Variants in SAMSN1 observed in about 807,000 individuals in gnomAD.
SAMSN1 encodes SAM domain, SH3 domain and nuclear localization signals 1.
In SAMSN1, 31 loss-of-function variants were observed where a neutral mutation model predicts 42.0. The observed-to-expected ratio is 0.74, with a 90% CI of 0.55 to 1.00. The LOEUF is 1.00. Among genes scored for constraint, SAMSN1 ranks in the 50% least tolerant of loss-of-function variants. SAMSN1 has a pLI of 0.00. For missense variants in SAMSN1, 464 were observed against 439.4 expected (o/e 1.06, Z -0.50); for synonymous variants, 178 against 151.9 (o/e 1.17, Z -1.26).
rs550173834 is a variant in SAMSN1 at position 14,558,537 on chromosome 21, C to T, written c.261+23599G>A. Among the ~76,000 whole-genome samples, 99 of 151,908 alleles carry T rather than the reference C, an allele frequency of 6.5e-4. No individual in the cohort carries two copies. The South Asian group carries it at 0.019, about 29-fold the overall frequency. ...TTACTAAAAATACAAAAAAATTAGCCGGCCGTGGTGATGCATGCCTGTAGT... is the reference window on the plus strand; with the variant it reads ...TTACTAAAAATACAAAAAAATTAGCTGGCCGTGGTGATGCATGCCTGTAGT... On this transcript the variant is annotated intron_variant, in intron 2 of 8. Transcript: ENST00000285670.
intron 1 of SAMSN1, among the ~76,000 whole-genome samples, chr21:14,540,418 T>A (rs1174191777): frequency 6.6e-6 from 1 of 152,124 alleles, no homozygotes; most frequent in East Asian, 1.9e-4. Flanking sequence ...ATATCCAGAA[T>A]CTACAGTGAA....
intron 2 of SAMSN1, among the ~76,000 whole-genome samples, chr21:14,628,665 G>C (rs939906664): frequency 2.0e-5 from 3 of 152,138 alleles, no homozygotes; most frequent in African/African-American, 7.2e-5. Flanking sequence ...AGTCTCCCAA[G>C]TTATGAATGA....
intron 1 of SAMSN1, among the ~76,000 whole-genome samples, chr21:14,543,728 T>A (rs1037444947): frequency 6.6e-6 from 1 of 152,168 alleles, no homozygotes; most frequent in African/African-American, 2.4e-5. Flanking sequence ...TTCTTCATTT[T>A]TTATATTGTC....
At chr21:14,610,502 G>A (rs550280953) in intron 4 of SAMSN1, among the ~76,000 whole-genome samples, 11 of 152,090 alleles carry the variant, frequency 7.2e-5, no homozygotes, top group East Asian at 5.8e-4. Flanking sequence ...ATCTTTTGTC[G>A]CCCTTGAAGC....
chr21:14,554,329 T>G (rs1230849694), intron 2 of SAMSN1, among the ~76,000 whole-genome samples: 1 of 152,116 alleles, frequency 6.6e-6, no homozygotes, highest in Non-Finnish European at 1.5e-5. Flanking sequence ...CAGTAATGCT[T>G]GAAAGATATT....
At chr21:14,592,312 A>T (rs1982110549) in intron 7 of SAMSN1, 1 of 152,540 alleles carries the variant, frequency 6.6e-6, no homozygotes, top group South Asian at 2.0e-4. Flanking sequence ...TATCTATTGG[A>T]TTCTTAGCAA....
intron 7 of SAMSN1, chr21:14,592,755 T>C (rs1027002409): frequency 1.3e-4 from 28 of 212,946 alleles, no homozygotes; most frequent in Non-Finnish European, 3.2e-5. Flanking sequence ...GAAACGGAAA[T>C]GCAGAAATAC....
At chr21:14,659,091 G>C (rs1983959545), upstream of SAMSN1, among the ~76,000 whole-genome samples, 1 of 151,884 alleles carries the variant, frequency 6.6e-6, no homozygotes, top group Non-Finnish European at 1.5e-5. Context: ...ACAACTACAG[G>C]CAAACCTGGA....
At chr21:14,641,094 G>C (rs184791833) in intron 2 of SAMSN1, among the ~76,000 whole-genome samples, 3 of 152,120 alleles carry the variant, frequency 2.0e-5, no homozygotes, top group African/African-American at 7.2e-5. Context: ...AAATGCTTAT[G>C]AACAATTTGC....
chr21:14,527,060 G>T (rs987369716), intron 1 of SAMSN1, among the ~76,000 whole-genome samples: 1 of 152,210 alleles, frequency 6.6e-6, no homozygotes, highest in Admixed American at 6.5e-5. Flanking sequence ...GCACACATCT[G>T]CAGTACTTTG....
chr21:14,546,145 A>T (rs1980374840), intron 1 of SAMSN1, 60 bp downstream of exon 1: 1 of 1,393,284 alleles, frequency 7.2e-7, no homozygotes, highest in Admixed American at 1.7e-5. Flanking sequence ...AAACACACAT[A>T]TGTGTTTATT....
intron 2 of SAMSN1, among the ~76,000 whole-genome samples, chr21:14,580,044 A>C (rs1981651838): frequency 6.6e-6 from 1 of 152,266 alleles, no homozygotes; most frequent in South Asian, 2.1e-4. Context: ...AATAATGTAG[A>C]AGTTCAAAGG....
chr21:14,579,071 G>C (rs761216431), intron 2 of SAMSN1, among the ~76,000 whole-genome samples: 6 of 152,062 alleles, frequency 3.9e-5, no homozygotes, highest in Admixed American at 2.0e-4. Flanking sequence ...TTTTTCACTT[G>C]TTGTTGTTAT....
Position 14,510,359 on chromosome 21 carries a change from T to G in SAMSN1, c.512A>C (p.His171Pro). ...SGPFCGRARV[H>P]TDFTPSPYDT... The stretch of plus-strand genomic sequence containing the variant: ...ATAGGGACTTGGCGTGAAATCCGTA[T>G]GCACTCTGGCACGGCCACAGAATGG... Residue 171 changes from histidine to proline, a missense_variant, in exon 5 of 8, where the codon CAT becomes CCT. Coordinates refer to ENST00000400566, the MANE Select transcript of SAMSN1 (RefSeq NM_022136.5). 6.2e-7 allele frequency: 1 copy of G among 1,614,154 alleles called. No homozygotes were observed. Among genetic ancestry groups the G allele is most frequent in the Non-Finnish European group, 8.5e-7 (1 of 1,179,994 alleles).
At chr21:14,487,284 A>G (rs142353679) in intron 7 of SAMSN1, among the ~76,000 whole-genome samples, 209 of 152,278 alleles carry the variant, frequency 1.4e-3, no homozygotes, top group Non-Finnish European at 2.4e-3. Context: ...ATTTTCTTCA[A>G]TAGGCTATTA....
At chr21:14,611,684 A>C (rs1015655146) in intron 4 of SAMSN1, among the ~76,000 whole-genome samples, 1 of 152,228 alleles carries the variant, frequency 6.6e-6, no homozygotes, top group Non-Finnish European at 1.5e-5. Flanking sequence ...AATATTTAAC[A>C]ACGAGTGACT....
At chr21:14,578,448 AAG>A (rs1981578038) in intron 2 of SAMSN1, among the ~76,000 whole-genome samples, 1 of 151,930 alleles carries the variant, frequency 6.6e-6, no homozygotes, top group South Asian at 2.1e-4. Flanking sequence ...AATAGAATCA[AAG>A]ACACCAAGCA....
chr21:14,637,070 C>T (rs935899287), intron 2 of SAMSN1, among the ~76,000 whole-genome samples: 1 of 152,184 alleles, frequency 6.6e-6, no homozygotes, highest in African/African-American at 2.4e-5. Flanking sequence ...TTCAAGCCTT[C>T]AATCCTACCT....
At chr21:14,614,508 C>T (rs74862979) in intron 3 of SAMSN1, among the ~76,000 whole-genome samples, 3,984 of 152,262 alleles carry the variant, frequency 0.026, 105 homozygotes, top group South Asian at 0.079. Context: ...CTAACTGTTA[C>T]AGCTTAAGTG....
Sources: gnomAD v4.1 joint callset for allele counts (sites outside exome capture counted in the v4.1 genomes callset) on GRCh38, gnomAD v4.1.1 for gene constraint, MANE v1.5 for transcripts, NCBI Gene and HGNC (gene_info 2026-07-23, HGNC 2026-07-21) for gene names.